The following OSBPL3 variants were observed in gnomAD, a reference collection of about 807,000 sequenced individuals.
The protein encoded by OSBPL3 is oxysterol-binding protein-related protein 3.
OSBPL3 carries 65 observed loss-of-function variants against 120.1 expected under a neutral mutation model. The ratio of observed to expected loss-of-function variants is 0.54; its 90% CI spans 0.44 to 0.67. The LOEUF (loss-of-function observed/expected upper bound fraction) is 0.67, where lower values mean the gene tolerates loss of function less well. Among genes scored for constraint, OSBPL3 ranks in the 30% least tolerant of loss-of-function variants. OSBPL3 has a pLI of 0.00. For synonymous variants in OSBPL3, 416 were observed against 402.6 expected (o/e 1.03, Z -0.40); for missense variants, 1,004 against 1,082.1 (o/e 0.93, Z 1.01).
At chr7:24,839,097 G>A (rs554768651) in intron 14 of OSBPL3, among the ~76,000 whole-genome samples, 3 of 152,102 alleles carry the variant, frequency 2.0e-5, no homozygotes, top group South Asian at 2.1e-4. Flanking sequence ...CAATTCATCC[G>A]TTCACACATA....
At chr7:24,850,099 C>T (rs2128224220) in intron 11 of OSBPL3, among the ~76,000 whole-genome samples, 1 of 152,152 alleles carries the variant, frequency 6.6e-6, no homozygotes, top group East Asian at 1.9e-4. Context: ...ATGAGTAAGC[C>T]TCACTTACCT....
In OSBPL3 at chr7:24,922,703, C is replaced by A. The variant is rs1312873469; in HGVS notation, c.-149-30082G>T. Among the ~76,000 whole-genome samples, 1 of 152,154 alleles carries A rather than the reference C, an allele frequency of 6.6e-6. No homozygotes were observed. Among genetic ancestry groups the A allele is most frequent in the Non-Finnish European group, 1.5e-5 (1 of 68,032 alleles). ...TCTGACCTCATTCTAGCCTGACCAC[C>A]TGCTTCACAGCCTTGCTATGAACTC... On this transcript the variant is annotated intron_variant, in intron 1 of 22. Coordinates refer to ENST00000313367, the MANE Select transcript of OSBPL3 (RefSeq NM_015550.4). This position sits in a 1 kb window ranked among gnomAD's most constrained non-coding sequence, Gnocchi z 4.3.
intron 16 of OSBPL3, among the ~76,000 whole-genome samples, chr7:24,823,490 A>T (rs6957090): frequency 6.6e-6 from 1 of 151,938 alleles, no homozygotes; most frequent in African/African-American, 2.4e-5. Flanking sequence ...CAATGCCACA[A>T]CATTAATGAG....
intron 2 of OSBPL3, among the ~76,000 whole-genome samples, chr7:24,880,460 C>T (rs1368937906): frequency 1.3e-5 from 2 of 152,122 alleles, no homozygotes; most frequent in Non-Finnish European, 2.9e-5. Context: ...TCTTTTGTTC[C>T]AGGGGCATGT....
rs1460737169 is a variant in OSBPL3 at position 24,953,571 on chromosome 7, T to G, written c.-150+26315A>C. Among the ~76,000 whole-genome samples, 1 of 152,188 alleles carries G rather than the reference T, an allele frequency of 6.6e-6. No individual in the cohort carries two copies. Among genetic ancestry groups the G allele is most frequent in the Non-Finnish European group, 1.5e-5 (1 of 68,032 alleles). ...ACTAAATAGATCATCAGAAAAAGAATTAGGCACATTAGGAAGCAGTCAGAT... is the reference window on the plus strand; with the variant it reads ...ACTAAATAGATCATCAGAAAAAGAAGTAGGCACATTAGGAAGCAGTCAGAT... On this transcript the variant is annotated intron_variant, in intron 1 of 22. Coordinates refer to ENST00000313367, the MANE Select transcript of OSBPL3 (RefSeq NM_015550.4). The surrounding 1 kb of genome is among the most constrained non-coding windows in gnomAD (Gnocchi z 4.3).
intron 12 of OSBPL3, among the ~76,000 whole-genome samples, chr7:24,844,159 T>G (rs1798116539): frequency 6.6e-6 from 1 of 152,230 alleles, no homozygotes; most frequent in Non-Finnish European, 1.5e-5. Context: ...ACTCAGGACC[T>G]CATTTGCTAA....
At chr7:24,970,618 G>C (rs1181606799) in intron 1 of OSBPL3, among the ~76,000 whole-genome samples, 1 of 147,910 alleles carries the variant, frequency 6.8e-6, no homozygotes, top group Non-Finnish European at 1.5e-5. Context: ...AGAAGGAGGA[G>C]TGCTATAAAC....
At chr7:24,843,957 T>C (rs1324337008) in intron 12 of OSBPL3, among the ~76,000 whole-genome samples, 1 of 152,242 alleles carries the variant, frequency 6.6e-6, no homozygotes, top group Non-Finnish European at 1.5e-5. Context: ...GTTCTACTCA[T>C]TAATTTATTA....
At position 24,797,172 on chromosome 7, in the gene OSBPL3, G is replaced by C. The variant is rs1455067277; in HGVS notation, c.*3011C>G. On this transcript the variant is annotated 3_prime_UTR_variant, in exon 23 of 23. Coordinates refer to ENST00000313367, the MANE Select transcript of OSBPL3 (RefSeq NM_015550.4). This position sits in a 1 kb window ranked among gnomAD's most constrained non-coding sequence, Gnocchi z 4.8. ...CTTTTTAGGCTTGACATCTTTAACA[G>C]TAGAACAAGATCACTCATGATAAAT... The C allele has an allele frequency of 6.6e-6, 1 of 152,216 alleles. No homozygotes were observed. The highest frequency in any genetic ancestry group is 1.5e-5 in the Non-Finnish European group (1 of 68,046). The allele number at this position is 152,216 out of a possible 1,614,324, so 9.4% of individuals were successfully genotyped here.
At position 24,797,778 on chromosome 7, in the gene OSBPL3, G is replaced by T. The variant is rs1791877696; in HGVS notation, c.*2405C>A. On this transcript the variant is annotated 3_prime_UTR_variant, in exon 23 of 23. Coordinates refer to ENST00000313367, the MANE Select transcript of OSBPL3 (RefSeq NM_015550.4). The surrounding 1 kb of genome is among the most constrained non-coding windows in gnomAD (Gnocchi z 4.8). The stretch of plus-strand genomic sequence containing the variant: ...AAACATGTAACTCAAATGGTACAGT[G>T]ATTAGCATTATTTAACCAGGAGATT... 6.6e-6 allele frequency: 1 copy of T among 152,040 alleles called. No homozygotes were observed. Among genetic ancestry groups the T allele is most frequent in the African/African-American group, 2.4e-5 (1 of 41,406 alleles). The allele number at this position is 152,040 out of a possible 1,614,324, so 9.4% of individuals were successfully genotyped here.
chr7:24,950,267 C>T (rs1234241137), intron 1 of OSBPL3, among the ~76,000 whole-genome samples: 1 of 152,164 alleles, frequency 6.6e-6, no homozygotes, highest in East Asian at 1.9e-4. Context: ...CACACACACA[C>T]ATATTGGTGA....
intron 2 of OSBPL3, among the ~76,000 whole-genome samples, chr7:24,885,167 A>T (rs1172850379): frequency 6.6e-6 from 1 of 150,932 alleles, no homozygotes; most frequent in Non-Finnish European, 1.5e-5. Context: ...GGTTGCAGTG[A>T]GCCAAGATTG....
At chr7:24,975,464 A>T (rs1209772167) in intron 1 of OSBPL3, among the ~76,000 whole-genome samples, 3 of 152,244 alleles carry the variant, frequency 2.0e-5, no homozygotes, top group Non-Finnish European at 4.4e-5. Flanking sequence ...TAGAAAACAA[A>T]ATGTCACATT....
At chr7:24,828,381 C>A (rs891236297) in intron 16 of OSBPL3, among the ~76,000 whole-genome samples, 1 of 152,070 alleles carries the variant, frequency 6.6e-6, no homozygotes, top group Admixed American at 6.5e-5. Context: ...GAGGCCAAGG[C>A]GGGCGGATCC....
rs150581691 is a variant in OSBPL3 at position 24,814,530 on chromosome 7, T to C, written c.2172+529A>G. ...CATTTTAACTATTTCTAAGGGTCCA[T>C]TCAGTGGCATTAAATACATTCACAA... is the stretch of plus-strand genomic sequence containing the variant. On this transcript the variant is annotated intron_variant, in intron 19 of 22. Transcript: ENST00000313367. Among the ~76,000 whole-genome samples the C allele has an allele frequency of 4.8e-3, 731 of 152,224 alleles. 3 individuals are homozygous for C. Among genetic ancestry groups the C allele is most frequent in the Non-Finnish European group, 7.5e-3 (508 of 68,002 alleles).
intron 22 of OSBPL3, among the ~76,000 whole-genome samples, chr7:24,801,684 CA>C (rs1202391532): frequency 1.3e-5 from 2 of 152,334 alleles, no homozygotes; most frequent in African/African-American, 4.8e-5. Flanking sequence ...TGGCCATGTC[CA>C]TTTGTTTAAA....
chr7:24,865,805 A>C (rs1313439326), intron 6 of OSBPL3, among the ~76,000 whole-genome samples: 1 of 152,224 alleles, frequency 6.6e-6, no homozygotes, highest in African/African-American at 2.4e-5. Context: ...AACCAAACTC[A>C]AACCAGTCAG....
chr7:24,979,290 A>AAC (rs71891698), intron 1 of OSBPL3, among the ~76,000 whole-genome samples: 43 of 17,766 alleles, frequency 2.4e-3, no homozygotes, highest in East Asian at 0.014. Flanking sequence ...GGAAACTAAC[A>AAC]AAAAAAAAAA....
At chr7:24,897,165 G>C (rs986032498) in intron 1 of OSBPL3, among the ~76,000 whole-genome samples, 2 of 151,986 alleles carry the variant, frequency 1.3e-5, no homozygotes, top group Admixed American at 6.6e-5. Flanking sequence ...ATAAGAAAAT[G>C]AGGATACAGT....
Sources: gnomAD v4.1 joint callset for allele counts (sites outside exome capture counted in the v4.1 genomes callset) on GRCh38, gnomAD v4.1.1 for gene constraint, Gnocchi (gnomAD v3.1) non-coding constraint, MANE v1.5 for transcripts, NCBI Gene and HGNC (gene_info 2026-07-23, HGNC 2026-07-21) for gene names.